The following SNRPN variants were observed in gnomAD, a reference collection of about 807,000 sequenced individuals.
SNRPN encodes small nuclear ribonucleoprotein-associated protein N.
A neutral mutation model predicts 25.2 loss-of-function variants in SNRPN; 7 were observed. The ratio of observed to expected loss-of-function variants is 0.28; its 90% CI spans 0.16 to 0.52. The LOEUF (loss-of-function observed/expected upper bound fraction) is 0.52. SNRPN is among the 20% of genes least tolerant of loss of function. The probability of loss-of-function intolerance (pLI) is 0.96; values close to 1 mark genes in which losing one functional copy is unlikely to be tolerated. For synonymous variants in SNRPN, 124 were observed against 110.6 expected (o/e 1.12, Z -0.76); for missense variants, 196 against 322.5 (o/e 0.61, Z 3.00).
Position 24,872,628 on chromosome 15 carries a change from C to G in SNRPN, c.-578-13888C>G, listed in dbSNP as rs1293953265. Among the ~76,000 whole-genome samples, 19 of 113,112 alleles carry G rather than the reference C, an allele frequency of 1.7e-4. 4 individuals carry two copies. The highest frequency in any genetic ancestry group is 5.2e-4 in the African/African-American group (17 of 32,752). The allele number at this position is 113,112 out of a possible 152,430, so 74.2% of individuals were successfully genotyped here. The stretch of plus-strand genomic sequence containing the variant: ...GAGTGTGATGAAACATGCCTGTAAT[C>G]CCACCTACTTGGCAGGCTGAGACAG... On this transcript the variant is annotated intron_variant, in intron 1 of 11. Coordinates refer to the SNRPN transcript ENST00000400097.
At chr15:24,955,473 G>T (rs2062688358) in intron 1 of SNRPN, among the ~76,000 whole-genome samples, 1 of 151,704 alleles carries the variant, frequency 6.6e-6, no homozygotes, top group Admixed American at 6.6e-5. Flanking sequence ...GATTTTAGGC[G>T]GAGGTAGGTA....
chr15:24,852,267 T>A (rs969843311), upstream of SNRPN: 6 of 152,224 alleles, frequency 3.9e-5, no homozygotes, highest in Admixed American at 1.3e-4. Flanking sequence ...AGTTGTTTTG[T>A]GTTTTATTTC....
chr15:24,879,592 T>C (rs1336150662), intron 1 of SNRPN, among the ~76,000 whole-genome samples: 1 of 152,226 alleles, frequency 6.6e-6, no homozygotes, highest in African/African-American at 2.4e-5. Flanking sequence ...GAAGTGTGAA[T>C]ACAAAACCAG....
At chr15:24,948,047 G>T (rs1233561312) in intron 3 of SNRPN, among the ~76,000 whole-genome samples, 1 of 151,982 alleles carries the variant, frequency 6.6e-6, no homozygotes, top group Non-Finnish European at 1.5e-5. Flanking sequence ...ATTTCTTAAT[G>T]TTGCATCAGT....
At chr15:24,880,193 C>G (rs1029762368) in intron 1 of SNRPN, among the ~76,000 whole-genome samples, 1 of 152,136 alleles carries the variant, frequency 6.6e-6, no homozygotes, top group Non-Finnish European at 1.5e-5. Context: ...TTCTTGTGAA[C>G]TCCCTGAGCA....
chr15:24,943,885 G>C (rs979809506), intron 3 of SNRPN, among the ~76,000 whole-genome samples: 1 of 151,972 alleles, frequency 6.6e-6, no homozygotes, highest in African/African-American at 2.4e-5. Flanking sequence ...GCAGTGGCAT[G>C]ATCCTGGCTC....
chr15:24,971,059 A>G (rs1437200222), intron 3 of SNRPN, among the ~76,000 whole-genome samples: 2 of 150,750 alleles, frequency 1.3e-5, no homozygotes, highest in Non-Finnish European at 2.9e-5. Context: ...TTATTTTACT[A>G]TTTGCTATGT....
At chr15:24,972,118 T>G (rs955401626) in intron 3 of SNRPN, among the ~76,000 whole-genome samples, 41 of 151,996 alleles carry the variant, frequency 2.7e-4, no homozygotes, top group African/African-American at 9.4e-4. Flanking sequence ...TAGCCGGGTG[T>G]GGTGGCGGGC....
intron 4 of SNRPN, chr15:24,974,670 G>A: frequency 1.6e-6 from 1 of 628,742 alleles, no homozygotes; most frequent in South Asian, 1.9e-5. Flanking sequence ...TCCCAGTCTG[G>A]AGTGCAGTGG....
At chr15:24,831,655 C>T (rs927825983) in intron 2 of SNRPN, among the ~76,000 whole-genome samples, 51 of 152,144 alleles carry the variant, frequency 3.4e-4, no homozygotes, top group African/African-American at 1.2e-3. Flanking sequence ...GGCCCTAGTA[C>T]TCACCATTCT....
chr15:24,850,313 A>G lies in SNRPN; in HGVS notation c.-579+20408A>G, dbSNP rs568348383. ...ATACAGAATTATCAAGGGAGGTCCA[A>G]TTTTTTTTTTTGTCTGAGACGGAGT... On this transcript the variant is annotated intron_variant, in intron 2 of 12. Coordinates refer to the SNRPN transcript ENST00000400100. 7 of 148,184 alleles carry G rather than the reference A, an allele frequency of 4.7e-5. No homozygotes were observed. The East Asian group carries it at 9.8e-4, about 21-fold the overall frequency. The allele number at this position is 148,184 out of a possible 1,614,324, so 9.2% of individuals were successfully genotyped here.
At chr15:24,904,426 G>A (rs960708489) in intron 2 of SNRPN, among the ~76,000 whole-genome samples, 23 of 152,200 alleles carry the variant, frequency 1.5e-4, no homozygotes, top group African/African-American at 4.3e-4. Flanking sequence ...AGGCTGAGGC[G>A]GGTGGATCAC....
At chr15:24,936,114 C>CAA (rs57194066) in intron 3 of SNRPN, among the ~76,000 whole-genome samples, 11 of 137,462 alleles carry the variant, frequency 8.0e-5, no homozygotes, top group East Asian at 2.1e-4. Context: ...GACTCTGTCT[C>CAA]AAAAAAAAAA....
chr15:24,897,031 T>G (rs2058120256), intron 2 of SNRPN, among the ~76,000 whole-genome samples: 1 of 152,018 alleles, frequency 6.6e-6, no homozygotes, highest in Admixed American at 6.6e-5. Flanking sequence ...CATGCACCTG[T>G]AGTCCTAGCT....
At chr15:24,919,234 C>T (rs940077238) in intron 2 of SNRPN, among the ~76,000 whole-genome samples, 18 of 151,490 alleles carry the variant, frequency 1.2e-4, no homozygotes, top group Non-Finnish European at 2.7e-4. Flanking sequence ...TTAAGACCAT[C>T]CTGGCTAACA....
At chr15:24,911,677 C>T (rs2059226132) in intron 2 of SNRPN, among the ~76,000 whole-genome samples, 1 of 152,216 alleles carries the variant, frequency 6.6e-6, no homozygotes, top group African/African-American at 2.4e-5. Flanking sequence ...TGGCTTTCTC[C>T]ACCTAATTTC....
At position 24,968,260 on chromosome 15, in the gene SNRPN, C is replaced by T. The variant is rs1271023175; in HGVS notation, c.-144+178C>T. 32 of 503,708 alleles carry T rather than the reference C, an allele frequency of 6.4e-5. No homozygotes were observed. The South Asian group carries it at 7.0e-4, about 11-fold the overall frequency. The allele number at this position is 503,708 out of a possible 1,614,324, so 31.2% of individuals were successfully genotyped here. Reference sequence around the variant, plus strand: ...CTTAAATTTTCTGCCCTGACACTTTCGTCATGTTTCTGTATTCCAGTTATT... The same window carrying T: ...CTTAAATTTTCTGCCCTGACACTTTTGTCATGTTTCTGTATTCCAGTTATT... On this transcript the variant is annotated intron_variant, in intron 3 of 9. Coordinates refer to ENST00000390687, the MANE Select transcript of SNRPN (RefSeq NM_003097.6).
chr15:24,906,385 G>A (rs917938370), intron 2 of SNRPN, among the ~76,000 whole-genome samples: 1 of 152,102 alleles, frequency 6.6e-6, no homozygotes, highest in Non-Finnish European at 1.5e-5. Flanking sequence ...CACCCACCTT[G>A]ACCTCCCAAA....
chr15:24,889,894 A>G (rs1376712126), intron 2 of SNRPN, among the ~76,000 whole-genome samples: 1 of 151,640 alleles, frequency 6.6e-6, no homozygotes, highest in Non-Finnish European at 1.5e-5. Flanking sequence ...TACTAAAAAT[A>G]CAAAAATTAG....
Sources: allele counts gnomAD v4.1 joint callset (sites outside exome capture counted in the v4.1 genomes callset), GRCh38; gene constraint gnomAD v4.1.1; transcripts MANE v1.5; gene names NCBI Gene and HGNC (gene_info 2026-07-23, HGNC 2026-07-21).